Variants in CAMTA1 observed in about 807,000 individuals in gnomAD.
The protein encoded by CAMTA1 is calmodulin-binding transcription activator 1.
CAMTA1 carries 27 observed loss-of-function variants against 170.9 expected under a neutral mutation model. The observed-to-expected ratio is 0.16, with a 90% CI of 0.12 to 0.22. The LOEUF (loss-of-function observed/expected upper bound fraction) is 0.22. Among genes scored for constraint, CAMTA1 ranks in the 10% least tolerant of loss-of-function variants. The pLI, the probability that CAMTA1 is intolerant of heterozygous loss-of-function variation, is 1.00. For missense variants in CAMTA1, 1,619 were observed against 2,217.2 expected, an observed-to-expected ratio of 0.73 and a Z score of 5.42; for synonymous variants, 833 against 891.5, an observed-to-expected ratio of 0.93 and a Z score of 1.17.
At chr1:7,303,621 C>G (rs74052026) in intron 5 of CAMTA1, among the ~76,000 whole-genome samples, 6 of 152,160 alleles carry the variant, frequency 3.9e-5, no homozygotes, top group Admixed American at 6.5e-5. Context: ...ACCCAGTGTT[C>G]TAGGTGCTGG....
At chr1:7,278,686 T>C (rs1008096115) in intron 5 of CAMTA1, among the ~76,000 whole-genome samples, 2 of 152,296 alleles carry the variant, frequency 1.3e-5, no homozygotes, top group African/African-American at 2.4e-5. Context: ...TTTCTAATCA[T>C]CCTGATTCTG....
chr1:7,433,505 T>A (rs997176704), intron 5 of CAMTA1, among the ~76,000 whole-genome samples: 1 of 152,076 alleles, frequency 6.6e-6, no homozygotes, highest in Non-Finnish European at 1.5e-5. Flanking sequence ...AGGTACCCAC[T>A]TCTCAGGGAG....
At chr1:7,274,244 GT>G in intron 5 of CAMTA1, among the ~76,000 whole-genome samples, 1 of 152,188 alleles carries the variant, frequency 6.6e-6, no homozygotes, top group East Asian at 1.9e-4. Context: ...GCACAAATGG[GT>G]TAGAAGTAAA....
chr1:7,195,571 C>G lies in CAMTA1; in HGVS notation c.303-53920C>G, dbSNP rs1472358902. On this transcript the variant is annotated intron_variant, in intron 4 of 22. Transcript: ENST00000303635. This position sits in a 1 kb window ranked among gnomAD's most constrained non-coding sequence, Gnocchi z 4.1. The stretch of plus-strand genomic sequence containing the variant: ...TACCAGCAGGCAACAGTGGTTGGCA[C>G]TGTGACACTCTCCCGCCACACATGG... Among the ~76,000 whole-genome samples the G allele has an allele frequency of 1.3e-5, 2 of 152,186 alleles. No homozygotes were observed. Among genetic ancestry groups the G allele is most frequent in the East Asian group, 3.9e-4 (2 of 5,176 alleles).
intron 5 of CAMTA1, among the ~76,000 whole-genome samples, chr1:7,438,177 G>A (rs776579812): frequency 3.9e-5 from 6 of 152,110 alleles, no homozygotes; most frequent in African/African-American, 1.4e-4. Flanking sequence ...CCCCAGCTGC[G>A]GCCCATAGGG....
chr1:7,716,673 T>G (rs1477429729), intron 11 of CAMTA1, among the ~76,000 whole-genome samples: 4 of 152,154 alleles, frequency 2.6e-5, no homozygotes, highest in South Asian at 4.1e-4. Context: ...CCCCTAGAGT[T>G]AGTTCTGAGA....
At chr1:6,849,687 TGGA>T (rs1241913642) in intron 3 of CAMTA1, among the ~76,000 whole-genome samples, 1 of 150,996 alleles carries the variant, frequency 6.6e-6, no homozygotes, top group Non-Finnish European at 1.5e-5. Flanking sequence ...GAGGAGGAAA[TGGA>T]GGGCTGTTTA....
At chr1:7,031,922 T>C (rs1702873453) in intron 3 of CAMTA1, among the ~76,000 whole-genome samples, 1 of 152,190 alleles carries the variant, frequency 6.6e-6, no homozygotes. Flanking sequence ...ATTTGTTTTC[T>C]GTTTCCCCAT....
At position 7,200,832 on chromosome 1, in the gene CAMTA1, C is replaced by T. The variant is rs889964618; in HGVS notation, c.303-48659C>T. On this transcript the variant is annotated intron_variant, in intron 4 of 22. Transcript: ENST00000303635. ...TTAATAAGTATCTCATGAGGTGGTACTTGGGGACTGTGTGAATATCTTGTT... is the reference window on the plus strand; with the variant it reads ...TTAATAAGTATCTCATGAGGTGGTATTTGGGGACTGTGTGAATATCTTGTT... Among the ~76,000 whole-genome samples, 4 of 152,244 alleles carry T rather than the reference C, an allele frequency of 2.6e-5. No individual in the cohort carries two copies. The South Asian group carries it at 8.3e-4, about 32-fold the overall frequency.
intron 5 of CAMTA1, among the ~76,000 whole-genome samples, chr1:7,398,836 G>A (rs1019994575): frequency 6.6e-6 from 1 of 151,608 alleles, no homozygotes; most frequent in Non-Finnish European, 1.5e-5. Flanking sequence ...GTTACTACGG[G>A]GTTTACATTA....
At position 7,010,110 on chromosome 1, in the gene CAMTA1, T is replaced by C. The variant is rs1380270552; in HGVS notation, c.235-81194T>C. ...GGTTTGTTTCTTCTGGATTTGGATT[T>C]GTCCCCAGGACAGACGTCCTTGGGT... On this transcript the variant is annotated intron_variant, in intron 3 of 22. Coordinates refer to ENST00000303635, the MANE Select transcript of CAMTA1 (RefSeq NM_015215.4). This position sits in a 1 kb window ranked among gnomAD's most constrained non-coding sequence, Gnocchi z 4.4. 3.3e-5 allele frequency among the ~76,000 whole-genome samples: 5 copies of C among 152,220 alleles called. No individual in the cohort carries two copies. Among genetic ancestry groups the C allele is most frequent in the Non-Finnish European group, 7.3e-5 (5 of 68,030 alleles).
intron 3 of CAMTA1, among the ~76,000 whole-genome samples, chr1:6,910,726 T>C (rs1484822792): frequency 6.6e-6 from 1 of 152,152 alleles, no homozygotes; most frequent in Admixed American, 6.5e-5. Flanking sequence ...GCTGAATATT[T>C]AATGAGGAAA....
At chr1:7,576,686 T>C (rs1373242253) in intron 6 of CAMTA1, among the ~76,000 whole-genome samples, 1 of 152,014 alleles carries the variant, frequency 6.6e-6, no homozygotes, top group East Asian at 1.9e-4. Flanking sequence ...GACTAAGACA[T>C]GTGAGGTGCA....
intron 3 of CAMTA1, among the ~76,000 whole-genome samples, chr1:7,073,957 C>G (rs940832677): frequency 1.3e-5 from 2 of 152,100 alleles, no homozygotes; most frequent in African/African-American, 4.8e-5. Context: ...ACAGAGTTAC[C>G]AGGAAGATTA....
At chr1:7,289,824 A>G (rs1672865491) in intron 5 of CAMTA1, among the ~76,000 whole-genome samples, 1 of 152,134 alleles carries the variant, frequency 6.6e-6, no homozygotes, top group Non-Finnish European at 1.5e-5. Context: ...TTGACACAAG[A>G]CTGGAAGCTG....
intron 6 of CAMTA1, among the ~76,000 whole-genome samples, chr1:7,544,932 C>A (rs576627087): frequency 6.6e-6 from 1 of 152,312 alleles, no homozygotes; most frequent in Admixed American, 6.5e-5. Context: ...CTAATCTGTT[C>A]ATGAGGGATC....
At chr1:7,032,282 CCTT>C (rs1362592655) in intron 3 of CAMTA1, among the ~76,000 whole-genome samples, 1 of 152,060 alleles carries the variant, frequency 6.6e-6, no homozygotes, top group Non-Finnish European at 1.5e-5. Flanking sequence ...TCTTTTTCTG[CCTT>C]CTTTTGGATT....
chr1:7,381,605 C>A (rs1385036553), intron 5 of CAMTA1, among the ~76,000 whole-genome samples: 2 of 151,600 alleles, frequency 1.3e-5, no homozygotes, highest in African/African-American at 4.9e-5. Context: ...AATAGTGCCG[C>A]AATAAACACA....
At chr1:6,942,691 A>T (rs929936444) in intron 3 of CAMTA1, among the ~76,000 whole-genome samples, 1 of 152,112 alleles carries the variant, frequency 6.6e-6, no homozygotes, top group African/African-American at 2.4e-5. Context: ...AAAACAAACC[A>T]TGGGCTCTTT....
Sources: allele counts gnomAD v4.1 joint callset (sites outside exome capture counted in the v4.1 genomes callset), GRCh38; gene constraint gnomAD v4.1.1; non-coding constraint Gnocchi (gnomAD v3.1); transcripts MANE v1.5; gene names NCBI Gene and HGNC (gene_info 2026-07-23, HGNC 2026-07-21).